Variants in CREB5 observed in about 807,000 individuals in gnomAD.
CREB5 encodes cyclic AMP-responsive element-binding protein 5.
In CREB5, 19 loss-of-function variants were observed where a neutral mutation model predicts 57.1. The ratio of observed to expected loss-of-function variants is 0.33; its 90% CI spans 0.23 to 0.49. The LOEUF (loss-of-function observed/expected upper bound fraction) is 0.49. Among genes scored for constraint, CREB5 ranks in the 20% least tolerant of loss-of-function variants. The probability of loss-of-function intolerance (pLI) is 0.99; values close to 1 mark genes in which losing one functional copy is unlikely to be tolerated. For missense variants in CREB5, 579 were observed against 671.6 expected (o/e 0.86, Z 1.52); for synonymous variants, 238 against 238.3 (o/e 1.00, Z 0.01).
At chr7:28,656,998 A>G (rs1799357161) in intron 5 of CREB5, among the ~76,000 whole-genome samples, 1 of 152,140 alleles carries the variant, frequency 6.6e-6, no homozygotes, top group Admixed American at 6.5e-5. Context: ...GAAGAAAAGT[A>G]AGGAAAAAGA....
At position 28,696,799 on chromosome 7, in the gene CREB5, C is replaced by T. The variant is rs190134931; in HGVS notation, c.465-21954C>T. 5.4e-5 allele frequency among the ~76,000 whole-genome samples: 8 copies of T among 148,060 alleles called. No individual in the cohort carries two copies. The East Asian group carries it at 1.2e-3, about 22-fold the overall frequency. On this transcript the variant is annotated intron_variant, in intron 5 of 10. Transcript: ENST00000357727. ...ATATATACACATACGTATACGTATA[C>T]GTATATATACACATACGTATACGTA...
At chr7:28,628,008 T>G (rs1487620575) in intron 5 of CREB5, among the ~76,000 whole-genome samples, 2 of 152,228 alleles carry the variant, frequency 1.3e-5, no homozygotes, top group Admixed American at 6.5e-5. Context: ...ATCTACCCAC[T>G]ATCACGCAGC....
intron 7 of CREB5, 147 bp from the exon 8 acceptor site, chr7:28,804,052 T>G (rs778766226): frequency 6.9e-6 from 5 of 725,436 alleles, no homozygotes; most frequent in Non-Finnish European, 1.1e-5. Flanking sequence ...TATCTTGTAC[T>G]GGTAGCAAGA....
intron 7 of CREB5, among the ~76,000 whole-genome samples, chr7:28,728,634 T>A (rs746626833): frequency 6.6e-6 from 1 of 152,246 alleles, no homozygotes; most frequent in Admixed American, 6.5e-5. Flanking sequence ...TTTCTTATTT[T>A]ACACGTGTGT....
At chr7:28,718,405 C>T (rs954807223) in intron 5 of CREB5, among the ~76,000 whole-genome samples, 17 of 152,208 alleles carry the variant, frequency 1.1e-4, no homozygotes, top group Non-Finnish European at 2.1e-4. Context: ...CTCTAAGACA[C>T]TTCAGAGGGC....
intron 5 of CREB5, among the ~76,000 whole-genome samples, chr7:28,634,015 A>G (rs1404337644): frequency 6.6e-6 from 1 of 152,214 alleles, no homozygotes; most frequent in Non-Finnish European, 1.5e-5. Context: ...CTATCTGATC[A>G]GTTAAGATTC....
intron 7 of CREB5, among the ~76,000 whole-genome samples, chr7:28,794,744 A>T (rs1807926795): frequency 6.6e-6 from 1 of 151,218 alleles, no homozygotes; most frequent in African/African-American, 2.5e-5. Context: ...ACCTGCACAC[A>T]CACACACACA....
chr7:28,630,177 A>T (rs1467840212), intron 5 of CREB5, among the ~76,000 whole-genome samples: 1 of 152,216 alleles, frequency 6.6e-6, no homozygotes, highest in East Asian at 1.9e-4. Context: ...TTCTACCCAT[A>T]GGACTTAGTT....
intron 5 of CREB5, among the ~76,000 whole-genome samples, chr7:28,591,730 A>G (rs1315137301): frequency 6.6e-6 from 1 of 152,196 alleles, no homozygotes; most frequent in Non-Finnish European, 1.5e-5. Context: ...GGAAGGGAAG[A>G]CTATATGGCC....
At chr7:28,576,005 G>C (rs545341146) in intron 5 of CREB5, among the ~76,000 whole-genome samples, 1 of 152,214 alleles carries the variant, frequency 6.6e-6, no homozygotes, top group African/African-American at 2.4e-5. Context: ...TCAGATGAAG[G>C]GGGTAGAGCC....
chr7:28,463,894 C>T (rs576660820), intron 1 of CREB5, among the ~76,000 whole-genome samples: 3 of 152,244 alleles, frequency 2.0e-5, no homozygotes, highest in South Asian at 2.1e-4. Context: ...TGGGTCCTTT[C>T]CAATCTGGAT....
At chr7:28,813,035 C>T (rs1809218338) in intron 9 of CREB5, among the ~76,000 whole-genome samples, 1 of 152,178 alleles carries the variant, frequency 6.6e-6, no homozygotes, top group Non-Finnish European at 1.5e-5. Flanking sequence ...CAACACATCT[C>T]TGCCCAAGAG....
At chr7:28,547,301 T>A (rs1358356235) in intron 4 of CREB5, among the ~76,000 whole-genome samples, 2 of 152,214 alleles carry the variant, frequency 1.3e-5, no homozygotes, top group Non-Finnish European at 2.9e-5. Context: ...CACCAACACT[T>A]GTAATTATTC....
chr7:28,560,296 G>A (rs915781599), intron 4 of CREB5, among the ~76,000 whole-genome samples: 9 of 152,164 alleles, frequency 5.9e-5, no homozygotes, highest in Admixed American at 4.6e-4. Flanking sequence ...CACTAGTTGC[G>A]TAATGAATAG....
chr7:28,722,655 T>C (rs1803106805), intron 6 of CREB5, among the ~76,000 whole-genome samples: 1 of 152,136 alleles, frequency 6.6e-6, no homozygotes, highest in Non-Finnish European at 1.5e-5. Context: ...GGAGTGAACA[T>C]TTTATTTTAC....
At chr7:28,782,162 A>C (rs1481529958) in intron 7 of CREB5, among the ~76,000 whole-genome samples, 2 of 152,146 alleles carry the variant, frequency 1.3e-5, no homozygotes, top group African/African-American at 2.4e-5. Flanking sequence ...ACCATACATC[A>C]CATCTGTCTG....
chr7:28,428,569 A>G (rs149602820), intron 1 of CREB5, among the ~76,000 whole-genome samples: 224 of 152,292 alleles, frequency 1.5e-3, no homozygotes, highest in African/African-American at 5.1e-3. Context: ...CAGGGAAGAT[A>G]TTAAGGTATT....
chr7:28,508,062 T>G (rs1342854778), intron 4 of CREB5, among the ~76,000 whole-genome samples: 1 of 152,214 alleles, frequency 6.6e-6, no homozygotes, highest in Non-Finnish European at 1.5e-5. Context: ...GCGAGTAATC[T>G]TCATGGTAGA....
intron 1 of CREB5, among the ~76,000 whole-genome samples, chr7:28,342,381 A>C (rs564644235): frequency 1.3e-5 from 2 of 152,296 alleles, no homozygotes; most frequent in East Asian, 3.9e-4. Flanking sequence ...CATACAAGAT[A>C]TCAACTTCAT....
Sources: gnomAD v4.1 joint callset for allele counts (sites outside exome capture counted in the v4.1 genomes callset) on GRCh38, gnomAD v4.1.1 for gene constraint, MANE v1.5 for transcripts, NCBI Gene and HGNC (gene_info 2026-07-23, HGNC 2026-07-21) for gene names.